GIGYF2: variants seen among roughly 807,000 people sequenced by gnomAD.
GIGYF2 encodes the protein GRB10 interacting GYF protein 2.
In GIGYF2, 25 loss-of-function variants were observed where a neutral mutation model predicts 208.1. That is an observed-to-expected ratio of 0.12 (90% CI 0.09 to 0.17). The LOEUF is 0.17. Among genes scored for constraint, GIGYF2 ranks in the 10% least tolerant of loss-of-function variants. The probability of loss-of-function intolerance (pLI) is 1.00; values close to 1 mark genes in which losing one functional copy is unlikely to be tolerated. For synonymous variants in GIGYF2, 534 were observed against 543.8 expected, an observed-to-expected ratio of 0.98 and a Z score of 0.25; for missense variants, 1,302 against 1,579.4, an observed-to-expected ratio of 0.82 and a Z score of 2.98.
At chr2:232,830,944 A>G (rs1292454800) in intron 21 of GIGYF2, among the ~76,000 whole-genome samples, 2 of 152,140 alleles carry the variant, frequency 1.3e-5, no homozygotes, top group Non-Finnish European at 2.9e-5. Context: ...TGACTTTGAC[A>G]GTTTTAAGAA....
At chr2:232,731,538 A>G (rs1697497149) in intron 2 of GIGYF2, among the ~76,000 whole-genome samples, 1 of 152,236 alleles carries the variant, frequency 6.6e-6, no homozygotes, top group African/African-American at 2.4e-5. Flanking sequence ...TGTGGTCTCT[A>G]CAGCTCTAGT....
At chr2:232,808,490 C>T (rs1477694929) in intron 15 of GIGYF2, among the ~76,000 whole-genome samples, 1 of 152,138 alleles carries the variant, frequency 6.6e-6, no homozygotes, top group Non-Finnish European at 1.5e-5. Context: ...GAGAGCCCCA[C>T]TTCATGATGA....
intron 22 of GIGYF2, among the ~76,000 whole-genome samples, chr2:232,836,463 G>A: frequency 7.1e-6 from 1 of 140,648 alleles, no homozygotes; most frequent in East Asian, 2.0e-4. Context: ...CTACTCAGGA[G>A]GCTGAGGTGG....
At chr2:232,728,295 T>A (rs1206038350) in intron 2 of GIGYF2, among the ~76,000 whole-genome samples, 1 of 152,174 alleles carries the variant, frequency 6.6e-6, no homozygotes, top group Non-Finnish European at 1.5e-5. Flanking sequence ...GTAGGTTCGA[T>A]TGGACTTTTT....
Position 232,771,411 on chromosome 2 carries a change from CT to C in GIGYF2, c.532+9976del, listed in dbSNP as rs756848152. ...CAAGAGTAAATTAGTAAGCTCTTAACTGTTTTATAGTTAATGTTTGTGAATT... is the reference window on the plus strand; with the variant it reads ...CAAGAGTAAATTAGTAAGCTCTTAACGTTTTATAGTTAATGTTTGTGAATT... On this transcript the variant is annotated intron_variant, in intron 8 of 28. Coordinates refer to ENST00000373563, the MANE Select transcript of GIGYF2 (RefSeq NM_001103146.3). The C allele has an allele frequency of 2.9e-6, 4 of 1,374,086 alleles. No individual in the cohort carries two copies. The African/African-American group carries it at 5.7e-5, about 20-fold the overall frequency. The allele number at this position is 1,374,086 out of a possible 1,614,324, so 85.1% of individuals were successfully genotyped here. A position where few individuals can be genotyped will look rare whatever the true frequency, so the allele number is the denominator to read the frequency against.
chr2:232,853,090 A>G (rs1179276404), intron 28 of GIGYF2, among the ~76,000 whole-genome samples: 1 of 152,214 alleles, frequency 6.6e-6, no homozygotes, highest in Non-Finnish European at 1.5e-5. Context: ...TCCTCTCATA[A>G]TTGCTCATTT....
At chr2:232,734,555 G>C (rs1188024816) in intron 2 of GIGYF2, 2 of 152,282 alleles carry the variant, frequency 1.3e-5, no homozygotes, top group Admixed American at 6.5e-5. Context: ...CAGTAGGCTC[G>C]AGAGGCTGAG....
At chr2:232,852,966 G>A (rs1312397951) in intron 28 of GIGYF2, among the ~76,000 whole-genome samples, 1 of 152,158 alleles carries the variant, frequency 6.6e-6, no homozygotes, top group African/African-American at 2.4e-5. Flanking sequence ...TAGGAGTAGA[G>A]TTTAAGGAAT....
intron 2 of GIGYF2, chr2:232,729,917 A>G (rs1022969697): frequency 1.2e-5 from 9 of 738,048 alleles, no homozygotes; most frequent in Non-Finnish European, 2.3e-5. Flanking sequence ...CATCTTTACT[A>G]TCTTTAGCTC....
chr2:232,775,047 C>T (rs528561765), intron 8 of GIGYF2, among the ~76,000 whole-genome samples: 4 of 151,748 alleles, frequency 2.6e-5, no homozygotes, highest in Non-Finnish European at 4.4e-5. Flanking sequence ...GGCTGATAAT[C>T]GGAACAGTTA....
intron 8 of GIGYF2, chr2:232,771,399 G>A (rs1699240315): frequency 6.9e-7 from 1 of 1,457,356 alleles, no homozygotes; most frequent in African/African-American, 1.4e-5. Flanking sequence ...GAGTAAATTA[G>A]TAAGCTCTTA....
At position 232,811,100 on chromosome 2, in the gene GIGYF2, A is replaced by G. The variant is rs1700720675; in HGVS notation, c.1899-144A>G. On this transcript the variant is annotated intron_variant, in intron 16 of 28. Transcript: ENST00000373563. ...GAATTTTCTATGTGTCTATTATCAT[A>G]ATGAAGAATTATAAAATATATTTGA... 4 of 632,980 alleles carry G rather than the reference A, an allele frequency of 6.3e-6. No individual in the cohort carries two copies. The South Asian group carries it at 7.1e-5, about 11-fold the overall frequency. The allele number at this position is 632,980 out of a possible 1,614,324, so 39.2% of individuals were successfully genotyped here. A position where few individuals can be genotyped will look rare whatever the true frequency, so the allele number is the denominator to read the frequency against.
chr2:232,716,352 T>C (rs1415791045), intron 2 of GIGYF2, among the ~76,000 whole-genome samples: 1 of 151,694 alleles, frequency 6.6e-6, no homozygotes, highest in East Asian at 1.9e-4. Context: ...AAGATTATTT[T>C]ATCAAGATAA....
chr2:232,747,843 T>C, intron 4 of GIGYF2, 99 bp downstream of exon 4: 1 of 1,163,974 alleles, frequency 8.6e-7, no homozygotes. Context: ...TACTAATGTA[T>C]TGACCCATGC....
At chr2:232,836,271 T>C (rs1387123254) in intron 22 of GIGYF2, among the ~76,000 whole-genome samples, 14 of 1,378 alleles carry the variant, frequency 0.01, no homozygotes, top group Non-Finnish European at 0.058. Flanking sequence ...TACATATATA[T>C]ATATATATAT....
At chr2:232,723,261 C>T (rs1278761620) in intron 2 of GIGYF2, among the ~76,000 whole-genome samples, 1 of 152,170 alleles carries the variant, frequency 6.6e-6, no homozygotes, top group Non-Finnish European at 1.5e-5. Flanking sequence ...AACCCTAATA[C>T]TTCCTGCCTT....
rs752868589 is a variant in GIGYF2 at position 232,844,114 on chromosome 2, C to G, written c.2958C>G (p.Leu986=). ...AGCAGCAACAGCAACAGCAGAAACT[C>G]TCAGGTTGGGGGAATGTCAGCAAAC... The part of the protein sequence containing the change: ...QQQQQQQQQK[L]SGWGNVSKPS... The change falls in exon 24 of 29, where the codon CTC becomes CTG. Residue 986 remains leucine, a synonymous_variant. Coordinates refer to ENST00000373563, the MANE Select transcript of GIGYF2 (RefSeq NM_001103146.3). The G allele has an allele frequency of 3.7e-5, 59 of 1,600,424 alleles. No individual in the cohort carries two copies. Among genetic ancestry groups the G allele is most frequent in the African/African-American group, 5.4e-5 (4 of 74,442 alleles).
At chr2:232,741,040 A>T (rs1021805724) in intron 3 of GIGYF2, among the ~76,000 whole-genome samples, 3 of 152,248 alleles carry the variant, frequency 2.0e-5, no homozygotes, top group African/African-American at 7.2e-5. Flanking sequence ...CTGACACTAA[A>T]TAATTTCACT....
In GIGYF2 at chr2:232,840,037, G is replaced by T. The variant is rs1042806445; in HGVS notation, c.2889+66G>T. 4.7e-6 allele frequency: 7 copies of T among 1,478,470 alleles called. No homozygotes were observed. The African/African-American group carries it at 9.7e-5, about 20-fold the overall frequency. The allele number at this position is 1,478,470 out of a possible 1,614,324, so 91.6% of individuals were successfully genotyped here. ...CCAGAATATCTAGCATGCATTATGG[G>T]TTAGTGGTTACTGAGGACAATTACT... On this transcript the variant is annotated intron_variant, in intron 23 of 28. Transcript: ENST00000373563.
Sources: allele counts gnomAD v4.1 joint callset (sites outside exome capture counted in the v4.1 genomes callset), GRCh38; gene constraint gnomAD v4.1.1; transcripts MANE v1.5; gene names NCBI Gene and HGNC (gene_info 2026-07-23, HGNC 2026-07-21).